Variants in YJU2B observed in about 807,000 individuals in gnomAD.
YJU2B encodes the protein probable splicing factor YJU2B.
Under a neutral mutation model 38.0 loss-of-function variants are expected in YJU2B, and 18 were observed. The ratio of observed to expected loss-of-function variants is 0.47; its 90% CI spans 0.33 to 0.70. The LOEUF (loss-of-function observed/expected upper bound fraction) is 0.70. YJU2B is among the 30% of genes least tolerant of loss of function. YJU2B has a pLI of 0.02. For synonymous variants in YJU2B, 246 were observed against 225.4 expected (o/e 1.09, Z -0.82); for missense variants, 538 against 556.3 (o/e 0.97, Z 0.33).
intron 2 of YJU2B, among the ~76,000 whole-genome samples, chr19:13,734,979 T>C (rs571107080): frequency 7.2e-4 from 110 of 152,306 alleles, no homozygotes; most frequent in African/African-American, 2.4e-3. Context: ...AATGGATGAT[T>C]GTAATCAACA....
At chr19:13,748,340 A>G (rs1973327898) in intron 1 of YJU2B, among the ~76,000 whole-genome samples, 1 of 152,180 alleles carries the variant, frequency 6.6e-6, no homozygotes, top group South Asian at 2.1e-4. Flanking sequence ...CGCTGCCCTG[A>G]ATGCCTTAAC....
At chr19:13,756,600 G>C (rs435677) in intron 4 of YJU2B, among the ~76,000 whole-genome samples, 52,566 of 151,788 alleles carry the variant, frequency 0.35, 9,283 homozygotes, top group East Asian at 0.48. Context: ...GACTTGACCT[G>C]TACAGCTGGG....
chr19:13,753,825 C>T (rs895792198), intron 2 of YJU2B, among the ~76,000 whole-genome samples: 1 of 152,026 alleles, frequency 6.6e-6, no homozygotes, highest in Admixed American at 6.6e-5. Flanking sequence ...TGATTCGCCC[C>T]CATGATTCGA....
chr19:13,751,847 C>T (rs1181112819), intron 2 of YJU2B, 36 bp downstream of exon 2: 1 of 1,611,712 alleles, frequency 6.2e-7, no homozygotes, highest in Non-Finnish European at 8.5e-7. Flanking sequence ...GGGTTTCTCT[C>T]CCAGTCTTTG....
chr19:13,758,992 G>C lies in YJU2B; in HGVS notation c.382G>C (p.Glu128Gln), dbSNP rs775225498. The change falls in exon 7 of 10, where the codon GAG becomes CAG. Residue 128 changes from glutamate to glutamine, a missense_variant. This residue lies in a region of YJU2B where 488 missense variants were observed against 469.5 expected (regional missense o/e 1.04). Transcript: ENST00000221554. ...KEERWDMADN[E>Q]QVLTTEHEKK... ...GGAGCGCTGGGACATGGCGGACAAT[G>C]AGCAGGTGCTGACCACAGGTGAGCG... 1 of 1,613,724 alleles carries C rather than the reference G, an allele frequency of 6.2e-7. No individual in the cohort carries two copies. Among genetic ancestry groups the C allele is most frequent in the Non-Finnish European group, 8.5e-7 (1 of 1,179,896 alleles).
intron 2 of YJU2B, among the ~76,000 whole-genome samples, chr19:13,734,913 T>G (rs1255149067): frequency 6.6e-6 from 1 of 152,204 alleles, no homozygotes; most frequent in Non-Finnish European, 1.5e-5. Context: ...GCTAAGATTC[T>G]TAAAATAGCC....
chr19:13,749,965 G>A (rs1973394218), intron 1 of YJU2B, among the ~76,000 whole-genome samples: 1 of 152,024 alleles, frequency 6.6e-6, no homozygotes, highest in Non-Finnish European at 1.5e-5. Context: ...AACATGAGAG[G>A]GGGTCTCACC....
Position 13,762,998 on chromosome 19 carries a change from C to G in YJU2B, c.1121C>G (p.Pro374Arg). The G allele has an allele frequency of 2.5e-6, 4 of 1,606,174 alleles. No homozygotes were observed. The highest frequency in any genetic ancestry group is 3.4e-6 in the Non-Finnish European group (4 of 1,176,166). Reference protein sequence around the residue: ...AGSSQEAADTPDTRHPCSLGS... With the variant: ...AGSSQEAADTRDTRHPCSLGS... ...TCCTCCCAGGAGGCAGCTGACACCC[C>G]CGACACGCGGCACCCCTGCAGTCTC... The change falls in exon 10 of 10, where the codon CCC becomes CGC. Residue 374 changes from proline to arginine, a missense_variant. Pro to Arg is a moderately radical substitution (Grantham distance 103, BLOSUM62 -2). This residue lies in a region of YJU2B where 488 missense variants were observed against 469.5 expected (regional missense o/e 1.04). Transcript: ENST00000221554.
At chr19:13,751,895 C>A (rs2145133705) in intron 2 of YJU2B, 84 bp downstream of exon 2, 1 of 1,337,216 alleles carries the variant, frequency 7.5e-7, no homozygotes, top group Non-Finnish European at 1.1e-6. Context: ...CCTCCCAGAG[C>A]TCTAAGATGA....
Position 13,763,287 on chromosome 19 carries a change from T to C in YJU2B, c.*219T>C, listed in dbSNP as rs767423709. 85 of 498,342 alleles carry C rather than the reference T, an allele frequency of 1.7e-4. No individual in the cohort carries two copies. Among genetic ancestry groups the C allele is most frequent in the Admixed American group, 4.1e-4 (11 of 26,552 alleles). 30.9% of individuals were successfully genotyped at this position (498,342 alleles called of 1,614,324 possible). On this transcript the variant is annotated 3_prime_UTR_variant, in exon 10 of 10. Transcript: ENST00000221554. ...ACTCCGTACATTAAAGACCTGTCTCTTCTTCCCTGTCTTGGGTTGTTAGAT... is the reference window on the plus strand; with the variant it reads ...ACTCCGTACATTAAAGACCTGTCTCCTCTTCCCTGTCTTGGGTTGTTAGAT...
intron 2 of YJU2B, among the ~76,000 whole-genome samples, chr19:13,732,919 A>G (rs1052085503): frequency 2.0e-5 from 3 of 148,564 alleles, no homozygotes; most frequent in African/African-American, 7.4e-5. Context: ...TAAAAAATGC[A>G]TACCTTTTGA....
chr19:13,749,473 T>C (rs1247104560), intron 1 of YJU2B, among the ~76,000 whole-genome samples: 1 of 152,216 alleles, frequency 6.6e-6, no homozygotes. Context: ...TTTCTAGCTA[T>C]GAAAGCAGAG....
rs187851647 is a variant in YJU2B at position 13,734,277 on chromosome 19, T to C, written c.-202+1992T>C. Reference sequence around the variant, plus strand: ...TACCAGAAAGTATACACTATATTAATTCTCTCACTGTAGAGATTGTTTTTT... The same window carrying C: ...TACCAGAAAGTATACACTATATTAACTCTCTCACTGTAGAGATTGTTTTTT... On this transcript the variant is annotated intron_variant, in intron 2 of 10. Coordinates refer to the YJU2B transcript ENST00000586600. 7.9e-5 allele frequency among the ~76,000 whole-genome samples: 12 copies of C among 152,146 alleles called. No homozygotes were observed. The East Asian group carries it at 2.3e-3, about 29-fold the overall frequency.
intron 2 of YJU2B, among the ~76,000 whole-genome samples, chr19:13,736,894 G>C (rs4926313): frequency 0.6 from 91,538 of 151,304 alleles, 27,855 homozygotes; most frequent in Middle Eastern, 0.72. Context: ...TAGCCAGGTG[G>C]TGGGAAGCTG....
At chr19:13,754,625 C>T (rs944750543) in intron 3 of YJU2B, among the ~76,000 whole-genome samples, 1 of 152,096 alleles carries the variant, frequency 6.6e-6, no homozygotes, top group Non-Finnish European at 1.5e-5. Flanking sequence ...CCATGGCTTC[C>T]CCAGCTCCAG....
chr19:13,756,827 T>C (rs1973684248), intron 4 of YJU2B, among the ~76,000 whole-genome samples: 4 of 151,494 alleles, frequency 2.6e-5, no homozygotes, highest in Admixed American at 2.6e-4. Context: ...ATAGAAAAAA[T>C]TAGGCTGGGT....
chr19:13,757,585 G>C, intron 5 of YJU2B, 112 bp downstream of exon 5: 1 of 1,154,594 alleles, frequency 8.7e-7, no homozygotes, highest in East Asian at 2.4e-5. Context: ...GGAGGAGACG[G>C]GCACCCGAGT....
At chr19:13,761,869 G>A (rs1347996779) in intron 8 of YJU2B, among the ~76,000 whole-genome samples, 2 of 151,732 alleles carry the variant, frequency 1.3e-5, no homozygotes, top group South Asian at 2.1e-4. Flanking sequence ...GACCATAGGC[G>A]CATGCCACCA....
chr19:13,745,388 C>A (rs147658020), upstream of YJU2B, among the ~76,000 whole-genome samples: 24 of 152,072 alleles, frequency 1.6e-4, no homozygotes, highest in African/African-American at 5.3e-4. Context: ...GGAGGCCGGG[C>A]GCAGTGGCTC....
Sources: gnomAD v4.1 joint callset for allele counts (sites outside exome capture counted in the v4.1 genomes callset) on GRCh38, gnomAD v4.1.1 for gene constraint, gnomAD v4.1.1 regional missense constraint, MANE v1.5 for transcripts, NCBI Gene and HGNC (gene_info 2026-07-23, HGNC 2026-07-21) for gene names.